AKAP9: variants seen among roughly 807,000 people sequenced by gnomAD.
AKAP9 encodes A-kinase anchor protein 9.
A neutral mutation model predicts 488.5 loss-of-function variants in AKAP9; 311 were observed. The observed-to-expected ratio is 0.64, with a 90% CI of 0.58 to 0.70. AKAP9 has a LOEUF of 0.70. AKAP9 is among the 30% of genes least tolerant of loss of function. The pLI, the probability that AKAP9 is intolerant of heterozygous loss-of-function variation, is 0.00. For missense variants in AKAP9, 4,215 were observed against 4,374.5 expected (o/e 0.96, Z 1.03); for synonymous variants, 1,462 against 1,483.5 (o/e 0.99, Z 0.33).
At chr7:91,974,117 A>G in intron 2 of AKAP9, 149 bp downstream of exon 2, 1 of 942,550 alleles carries the variant, frequency 1.1e-6, no homozygotes, top group South Asian at 1.5e-5. Flanking sequence ...TCATAACTAA[A>G]ATATTTGATC....
At chr7:92,014,001 T>C (rs1801157261) in intron 9 of AKAP9, among the ~76,000 whole-genome samples, 1 of 152,216 alleles carries the variant, frequency 6.6e-6, no homozygotes, top group East Asian at 1.9e-4. Context: ...GGTTATGATA[T>C]ATGATGCATT....
At chr7:91,960,767 G>A (rs920549081) in intron 1 of AKAP9, among the ~76,000 whole-genome samples, 3 of 152,012 alleles carry the variant, frequency 2.0e-5, no homozygotes, top group African/African-American at 7.3e-5. Flanking sequence ...ATGCATGATG[G>A]GCAGTCAATA....
chr7:92,103,034 G>GC (rs1290514383), intron 46 of AKAP9, among the ~76,000 whole-genome samples: 1 of 152,020 alleles, frequency 6.6e-6, no homozygotes, highest in Non-Finnish European at 1.5e-5. Flanking sequence ...TATGAAAAGG[G>GC]CCTTCCTAGG....
At chr7:92,000,104 C>G (rs970656645) in intron 7 of AKAP9, among the ~76,000 whole-genome samples, 3 of 152,216 alleles carry the variant, frequency 2.0e-5, no homozygotes, top group Non-Finnish European at 4.4e-5. Context: ...AACAGATATG[C>G]CTTGGCCTGT....
In AKAP9 at chr7:92,001,691, G is replaced by A. The variant is rs1319057231; in HGVS notation, c.1774G>A (p.Glu592Lys). 2.0e-5 allele frequency: 33 copies of A among 1,612,314 alleles called. No individual in the cohort carries two copies. Among genetic ancestry groups the A allele is most frequent in the Non-Finnish European group, 2.7e-5 (32 of 1,179,526 alleles). Residue 592 changes from glutamate (E) to lysine (K), a missense_variant, in exon 8 of 50, where the codon GAA (glutamate) becomes AAA (lysine). This residue lies in a region of AKAP9 where 2,361 missense variants were observed against 2,430.0 expected (regional missense o/e 0.97). Transcript: ENST00000356239. ...RKELELKHEAEVTNYKIKLEM... is the reference protein window; with the variant it reads ...RKELELKHEAKVTNYKIKLEM... ...GGAACTAGAATTAAAACATGAAGCA[G>A]AAGTTACAAATTACAAGATAAAACT...
intron 21 of AKAP9, 71 bp from the exon 22 acceptor site, chr7:92,052,655 T>C (rs1228926233): frequency 1.1e-5 from 12 of 1,065,130 alleles, no homozygotes; most frequent in Non-Finnish European, 1.4e-6. Flanking sequence ...TTTAGTTTGA[T>C]GTTGTTTTAT....
rs1199064758 is a variant in AKAP9 at position 92,108,602 on chromosome 7, A to C, written c.11655A>C (p.Ala3885=). 6.2e-7 allele frequency: 1 copy of C among 1,614,182 alleles called. No homozygotes were observed. The highest frequency in any genetic ancestry group is 1.7e-5 in the Admixed American group (1 of 60,014). ...ALTDYITRLE[A]LQRRLGTIQS... ...CAGATTATATCACTCGGCTAGAGGC[A>C]CTGCAAAGACGACTTGGAACTATAC... The change falls in exon 49 of 50, where the codon GCA becomes GCC. Residue 3885 remains alanine (A), a synonymous_variant. Coordinates refer to ENST00000356239, the MANE Select transcript of AKAP9 (RefSeq NM_005751.5).
At chr7:92,004,074 G>T (rs1799502420) in intron 8 of AKAP9, among the ~76,000 whole-genome samples, 1 of 152,178 alleles carries the variant, frequency 6.6e-6, no homozygotes, top group Non-Finnish European at 1.5e-5. Flanking sequence ...GAGAAATAGT[G>T]ATAAATTCTC....
At chr7:91,989,935 A>T (rs1001210323) in intron 3 of AKAP9, among the ~76,000 whole-genome samples, 8 of 152,220 alleles carry the variant, frequency 5.3e-5, no homozygotes, top group Middle Eastern at 3.4e-3. Flanking sequence ...TTATAGTCAC[A>T]TAGTGAAAGT....
At chr7:92,045,830 C>CTTTT (rs35346628) in intron 21 of AKAP9, among the ~76,000 whole-genome samples, 135 of 108,852 alleles carry the variant, frequency 1.2e-3, no homozygotes, top group Non-Finnish European at 1.6e-3. Context: ...CTTTCCGTTT[C>CTTTT]TTTTTTTTTT....
chr7:92,021,025 A>G (rs1802245639), intron 12 of AKAP9, among the ~76,000 whole-genome samples: 1 of 152,096 alleles, frequency 6.6e-6, no homozygotes, highest in Non-Finnish European at 1.5e-5. Context: ...AACTAGCTTT[A>G]TTTCCCCCTC....
intron 22 of AKAP9, among the ~76,000 whole-genome samples, chr7:92,053,306 T>C (rs746744015): frequency 4.6e-5 from 7 of 152,212 alleles, no homozygotes; most frequent in Non-Finnish European, 5.9e-5. Context: ...TCTCAGCCAG[T>C]GTTAATGCTG....
intron 45 of AKAP9, 89 bp from the exon 46 acceptor site, chr7:92,102,505 C>A: frequency 9.9e-7 from 1 of 1,009,566 alleles, no homozygotes; most frequent in Non-Finnish European, 1.5e-6. Flanking sequence ...ACCACCACCA[C>A]TACTTGTTAA....
At chr7:92,088,619 G>C (rs1815008634) in intron 37 of AKAP9, among the ~76,000 whole-genome samples, 1 of 152,200 alleles carries the variant, frequency 6.6e-6, no homozygotes. Flanking sequence ...ACAGGGGTTA[G>C]GGTTAGGGAG....
At position 92,107,407 on chromosome 7, in the gene AKAP9, T is replaced by C; in HGVS notation, c.11531T>C (p.Leu3844Ser). The C allele has an allele frequency of 1.2e-6, 2 of 1,613,708 alleles. No individual in the cohort carries two copies. The highest frequency in any genetic ancestry group is 1.7e-6 in the Non-Finnish European group (2 of 1,179,780). Residue 3844 changes from leucine (L) to serine (S), a missense_variant, in exon 48 of 50, where the codon TTA becomes TCA. Physicochemically the swap from Leu to Ser is moderately radical, Grantham distance 145. Coordinates refer to ENST00000356239, the MANE Select transcript of AKAP9 (RefSeq NM_005751.5). Reference protein sequence around the residue: ...RSDLDYIRSPLPFQNRYPGTP... With the variant: ...RSDLDYIRSPSPFQNRYPGTP... ...GATCTGGACTATATTAGGTCCCCTT[T>C]ACCATTTCAGAATAGGTAAGAATAT...
chr7:92,069,375 A>AT (rs1811310470), intron 26 of AKAP9, among the ~76,000 whole-genome samples: 1 of 152,144 alleles, frequency 6.6e-6, no homozygotes, highest in Admixed American at 6.5e-5. Flanking sequence ...TAAGAGAAAG[A>AT]TTTTTTAAAG....
chr7:92,028,684 C>G (rs1383066536), intron 14 of AKAP9, among the ~76,000 whole-genome samples: 1 of 152,022 alleles, frequency 6.6e-6, no homozygotes, highest in East Asian at 1.9e-4. Context: ...TGTTATAACC[C>G]CCGATTGCTG....
Position 92,102,695 on chromosome 7 carries a change from A to G in AKAP9, c.11199A>G (p.Glu3733=), listed in dbSNP as rs1317405523. The change falls in exon 46 of 50, where the codon GAA becomes GAG. Residue 3733 remains glutamate (E), a synonymous_variant. Coordinates refer to ENST00000356239, the MANE Select transcript of AKAP9 (RefSeq NM_005751.5). ...TACTGGGTGGGTTCCAGGAATGTGA[A>G]GATGCCACCTTGGCCCTGCTTGCCC... The part of the protein sequence containing the change: ...LLLLGGFQEC[E]DATLALLARM... 1.2e-6 allele frequency: 2 copies of G among 1,614,082 alleles called. No individual in the cohort carries two copies. The highest frequency in any genetic ancestry group is 2.2e-5 in the East Asian group (1 of 44,904).
At chr7:92,046,970 GC>G (rs1807109225) in intron 21 of AKAP9, among the ~76,000 whole-genome samples, 1 of 152,114 alleles carries the variant, frequency 6.6e-6, no homozygotes, top group East Asian at 1.9e-4. Context: ...CAACATGGCT[GC>G]CAAAGTATTC....
Sources: gnomAD v4.1 joint callset for allele counts (sites outside exome capture counted in the v4.1 genomes callset) on GRCh38, gnomAD v4.1.1 for gene constraint, gnomAD v4.1.1 regional missense constraint, MANE v1.5 for transcripts, NCBI Gene and HGNC (gene_info 2026-07-23, HGNC 2026-07-21) for gene names.